The following KIF1B variants were observed in gnomAD, a reference collection of about 807,000 sequenced individuals.
KIF1B encodes the protein kinesin-like protein KIF1B.
KIF1B carries 76 observed loss-of-function variants against 241.9 expected under a neutral mutation model. The observed-to-expected ratio is 0.31, with a 90% CI of 0.26 to 0.38. The LOEUF is 0.38. Among genes scored for constraint, KIF1B ranks in the 10% least tolerant of loss-of-function variants. The pLI is 1.00. For synonymous variants in KIF1B, 750 were observed against 796.7 expected, an observed-to-expected ratio of 0.94 and a Z score of 0.99; for missense variants, 1,622 against 2,271.4, an observed-to-expected ratio of 0.71 and a Z score of 5.81.
At chr1:10,272,992 C>T in intron 9 of KIF1B, 22 bp from the exon 10 acceptor site, 2 of 1,540,444 alleles carry the variant, frequency 1.3e-6, no homozygotes, top group East Asian at 4.9e-5. Context: ...TTATTTTCTC[C>T]TTTAAATGCT....
At chr1:10,214,376 G>T (rs1430009100) in intron 1 of KIF1B, among the ~76,000 whole-genome samples, 1 of 148,840 alleles carries the variant, frequency 6.7e-6, no homozygotes, top group Non-Finnish European at 1.5e-5. Context: ...TGCAACCTCC[G>T]CCTCCCGGGT....
At chr1:10,360,269 GTCTT>G (rs1426022211) in intron 38 of KIF1B, among the ~76,000 whole-genome samples, 1 of 152,086 alleles carries the variant, frequency 6.6e-6, no homozygotes, top group African/African-American at 2.4e-5. Flanking sequence ...AGCTTACATA[GTCTT>G]TCTTTCTTCT....
At position 10,212,911 on chromosome 1, in the gene KIF1B, TATATATATATATATATATATAC is replaced by T. The variant is rs1216751450; in HGVS notation, c.-80+2035_-80+2056del. ...GTGTGTATATATATATATATATATA[TATATATATATATATATATATAC>T]ACACACACATTTAAAAAATTTGGAT... On this transcript the variant is annotated intron_variant, in intron 1 of 48. Transcript: ENST00000676179. Among the ~76,000 whole-genome samples, 108 of 121,394 alleles carry T rather than the reference TATATATATATATATATATATAC, an allele frequency of 8.9e-4. 3 individuals are homozygous for T. The highest frequency in any genetic ancestry group is 3.1e-3 in the African/African-American group (95 of 30,418). The allele number at this position is 121,394 out of a possible 152,430, so 79.6% of individuals were successfully genotyped here. A position where few individuals can be genotyped will look rare whatever the true frequency, so the allele number is the denominator to read the frequency against.
At chr1:10,291,060 A>G in intron 15 of KIF1B, 22 bp from the exon 16 acceptor site, 5 of 1,597,468 alleles carry the variant, frequency 3.1e-6, no homozygotes, top group Non-Finnish European at 4.3e-6. Context: ...TTGCCTCTTT[A>G]ACTGTGCGCT....
chr1:10,230,442 C>CT (rs59493302), intron 1 of KIF1B, among the ~76,000 whole-genome samples: 41,991 of 140,486 alleles, frequency 0.3, 6,165 homozygotes, highest in Admixed American at 0.34. Flanking sequence ...TTTTTTCTTT[C>CT]TTTTTTTTTT....
At chr1:10,305,162 T>C (rs1650764433) in intron 22 of KIF1B, 1 of 1,046,930 alleles carries the variant, frequency 9.6e-7, no homozygotes, top group Admixed American at 5.3e-5. Flanking sequence ...CTTCTTTAAA[T>C]ATGATTAGAA....
chr1:10,256,602 C>T (rs1647796135), intron 3 of KIF1B, among the ~76,000 whole-genome samples: 1 of 151,834 alleles, frequency 6.6e-6, no homozygotes, highest in Non-Finnish European at 1.5e-5. Flanking sequence ...TAAATTTATA[C>T]TGATTTAGAC....
intron 14 of KIF1B, among the ~76,000 whole-genome samples, chr1:10,281,050 A>G (rs1409509277): frequency 6.6e-6 from 1 of 151,932 alleles, no homozygotes; most frequent in African/African-American, 2.4e-5. Context: ...TTGTTGCCCT[A>G]TGTTCTGTAT....
chr1:10,324,264 A>AT (rs1399551929), intron 25 of KIF1B, among the ~76,000 whole-genome samples: 1 of 152,152 alleles, frequency 6.6e-6, no homozygotes. Flanking sequence ...ACACTCTGAC[A>AT]TTTGTAGATA....
At chr1:10,274,204 CT>C (rs1487048732) in intron 10 of KIF1B, among the ~76,000 whole-genome samples, 1 of 152,082 alleles carries the variant, frequency 6.6e-6, no homozygotes, top group African/African-American at 2.4e-5. Context: ...TCCCAAAGTA[CT>C]GGGATTACAG....
intron 10 of KIF1B, among the ~76,000 whole-genome samples, chr1:10,273,968 T>A (rs140714688): frequency 0.019 from 2,742 of 142,704 alleles, 42 homozygotes; most frequent in Non-Finnish European, 0.028. Context: ...ACCAGGTCTC[T>A]CACTGCTGCC....
chr1:10,303,823 G>A lies in KIF1B; in HGVS notation c.2115+6577G>A, dbSNP rs769087626. The A allele has an allele frequency of 6.2e-7, 1 of 1,614,112 alleles. No homozygotes were observed. Among genetic ancestry groups the A allele is most frequent in the Admixed American group, 1.7e-5 (1 of 60,014 alleles). On this transcript the variant is annotated intron_variant, in intron 22 of 48. Coordinates refer to ENST00000676179, the MANE Select transcript of KIF1B (RefSeq NM_001365951.3). The surrounding 1 kb of genome is among the most constrained non-coding windows in gnomAD (Gnocchi z 5.2). The stretch of plus-strand genomic sequence containing the variant: ...CCACAAAGCAAAGGAGCCTGTTGGT[G>A]CTGGTGTTAGTAGCACCTCTGAGAA...
chr1:10,268,355 G>T, intron 7 of KIF1B, 92 bp downstream of exon 7: 1 of 805,970 alleles, frequency 1.2e-6, no homozygotes, highest in South Asian at 1.4e-5. Flanking sequence ...TGGAAGGTTG[G>T]GTGTTGGGGG....
At chr1:10,356,607 G>GA (rs1037640974) in intron 38 of KIF1B, among the ~76,000 whole-genome samples, 51 of 142,070 alleles carry the variant, frequency 3.6e-4, no homozygotes, top group African/African-American at 1.3e-3. Context: ...TTTAAAAAAA[G>GA]AAAAAAAAAT....
intron 25 of KIF1B, 150 bp downstream of exon 25, chr1:10,324,212 C>T: frequency 1.3e-6 from 1 of 752,392 alleles, no homozygotes; most frequent in Non-Finnish European, 2.3e-6. Context: ...ATGGTATTAC[C>T]ATCCATCTGT....
At chr1:10,249,300 T>A (rs941854018) in intron 2 of KIF1B, among the ~76,000 whole-genome samples, 1 of 152,242 alleles carries the variant, frequency 6.6e-6, no homozygotes, top group Non-Finnish European at 1.5e-5. Flanking sequence ...GTGTTAATTA[T>A]GCCCAGTCTT....
chr1:10,238,049 A>G, intron 2 of KIF1B, among the ~76,000 whole-genome samples: 1 of 152,002 alleles, frequency 6.6e-6, no homozygotes, highest in South Asian at 2.1e-4. Flanking sequence ...GGATGGAGGA[A>G]GGGCAAAATG....
intron 22 of KIF1B, chr1:10,304,677 G>A: frequency 6.2e-7 from 1 of 1,612,448 alleles, no homozygotes; most frequent in South Asian, 1.1e-5. Flanking sequence ...TGAAATCATG[G>A]TGGAAGAAAC....
chr1:10,231,265 T>TA (rs1313496373), intron 1 of KIF1B, among the ~76,000 whole-genome samples: 1 of 152,022 alleles, frequency 6.6e-6, no homozygotes, highest in African/African-American at 2.4e-5. Flanking sequence ...ACTGTATAGT[T>TA]AAACGAATTG....
Sources: gnomAD v4.1 joint callset for allele counts (sites outside exome capture counted in the v4.1 genomes callset) on GRCh38, gnomAD v4.1.1 for gene constraint, Gnocchi (gnomAD v3.1) non-coding constraint, MANE v1.5 for transcripts, NCBI Gene and HGNC (gene_info 2026-07-23, HGNC 2026-07-21) for gene names.